Variants in RASEF observed in about 807,000 individuals in gnomAD.
RASEF encodes ras and EF-hand domain-containing protein.
Under a neutral mutation model 90.1 loss-of-function variants are expected in RASEF, and 68 were observed. That is an observed-to-expected ratio of 0.75 (90% CI 0.62 to 0.92). RASEF has a LOEUF of 0.92. Among genes scored for constraint, RASEF ranks in the 40% least tolerant of loss-of-function variants. The probability of loss-of-function intolerance (pLI) is 0.00; values close to 1 mark genes in which losing one functional copy is unlikely to be tolerated. For synonymous variants in RASEF, 331 were observed against 345.2 expected (o/e 0.96, Z 0.46); for missense variants, 949 against 937.2 (o/e 1.01, Z -0.16).
At chr9:83,007,404 T>C in intron 7 of RASEF, 33 bp downstream of exon 7, 1 of 1,510,764 alleles carries the variant, frequency 6.6e-7, no homozygotes, top group Non-Finnish European at 9.2e-7. Context: ...AAGTGAAATG[T>C]AAATGTAATG....
the RASEF span, among the ~76,000 whole-genome samples, chr9:83,114,787 C>T: frequency 1.3e-5 from 2 of 152,178 alleles, no homozygotes; most frequent in African/African-American, 4.8e-5. Flanking sequence ...CAAACCCTGC[C>T]TCCTAATAAG....
chr9:82,988,814 T>C (rs187836304), intron 16 of RASEF, among the ~76,000 whole-genome samples: 2 of 152,328 alleles, frequency 1.3e-5, no homozygotes, highest in African/African-American at 4.8e-5. Flanking sequence ...CATGAGCCAA[T>C]TGAACCTATT....
chr9:83,117,283 G>T, the RASEF span, among the ~76,000 whole-genome samples: 1 of 152,118 alleles, frequency 6.6e-6, no homozygotes, highest in African/African-American at 2.4e-5. Flanking sequence ...AGTTATAGAG[G>T]TACAATGGGG....
At chr9:83,066,276 C>G (rs1830281690), upstream of RASEF, among the ~76,000 whole-genome samples, 2 of 152,152 alleles carry the variant, frequency 1.3e-5, no homozygotes, top group South Asian at 4.1e-4. Context: ...AACCATTTCC[C>G]AGCTTAAGTA....
chr9:83,091,136 G>A, the RASEF span, among the ~76,000 whole-genome samples: 1 of 152,186 alleles, frequency 6.6e-6, no homozygotes, highest in Non-Finnish European at 1.5e-5. Context: ...CTTGCAAAGA[G>A]TCTCAAGATC....
the RASEF span, among the ~76,000 whole-genome samples, chr9:83,154,966 A>G: frequency 4.5e-4 from 69 of 152,258 alleles, no homozygotes; most frequent in Non-Finnish European, 7.1e-4. Flanking sequence ...AGGAGGTAGC[A>G]AAGTCTAGCC....
chr9:83,154,530 C>T, the RASEF span, among the ~76,000 whole-genome samples: 3 of 152,162 alleles, frequency 2.0e-5, no homozygotes. Flanking sequence ...CTAGTCTCCT[C>T]CCCTTCTCTG....
chr9:83,007,129 G>A (rs896912672), intron 7 of RASEF, among the ~76,000 whole-genome samples: 2 of 150,078 alleles, frequency 1.3e-5, no homozygotes, highest in African/African-American at 4.9e-5. Context: ...ACAGAACTCA[G>A]AGAAAGCTGA....
At chr9:83,176,682 TCTTAA>T in the RASEF span, among the ~76,000 whole-genome samples, 2,967 of 152,120 alleles carry the variant, frequency 0.02, 95 homozygotes, top group African/African-American at 0.067. Context: ...GCCATATAAA[TCTTAA>T]CTTATCAAAA....
At chr9:83,195,133 C>T in the RASEF span, among the ~76,000 whole-genome samples, 35 of 152,292 alleles carry the variant, frequency 2.3e-4, no homozygotes, top group African/African-American at 7.5e-4. Flanking sequence ...GAATTGAGAT[C>T]GTCATATGTC....
chr9:82,990,324 T>C (rs906446214), intron 16 of RASEF, 67 bp downstream of exon 16: 1 of 1,049,912 alleles, frequency 9.5e-7, no homozygotes, highest in Admixed American at 1.7e-5. Context: ...CTGCACATTA[T>C]GGACAAGAAA....
In RASEF at chr9:82,981,138, A is replaced by G. The variant is rs951791251; in HGVS notation, c.*1539T>C. 6 of 152,246 alleles carry G rather than the reference A, an allele frequency of 3.9e-5. No individual in the cohort carries two copies. The highest frequency in any genetic ancestry group is 1.4e-4 in the African/African-American group (6 of 41,476). The allele number at this position is 152,246 out of a possible 1,614,324, so 9.4% of individuals were successfully genotyped here. On this transcript the variant is annotated 3_prime_UTR_variant, in exon 17 of 17. Transcript: ENST00000376447. ...TAGCTTATACAATACAATAAATAAC[A>G]GCTACTTTTTAAGTTCCTTCAGCAA... is the stretch of plus-strand genomic sequence containing the variant.
intron 1 of RASEF, among the ~76,000 whole-genome samples, chr9:83,060,861 C>T (rs373589020): frequency 6.6e-6 from 1 of 152,132 alleles, no homozygotes; most frequent in Non-Finnish European, 1.5e-5. Flanking sequence ...ATGTAGTAAT[C>T]TCTGAAGAAT....
chr9:83,202,736 G>A, the RASEF span, among the ~76,000 whole-genome samples: 1 of 152,204 alleles, frequency 6.6e-6, no homozygotes, highest in East Asian at 1.9e-4. Flanking sequence ...CACCTCAGGT[G>A]ATCCTCCCAC....
the RASEF span, among the ~76,000 whole-genome samples, chr9:83,148,663 C>T: frequency 1.3e-5 from 2 of 152,168 alleles, no homozygotes; most frequent in African/African-American, 4.8e-5. Flanking sequence ...GTTACAACAG[C>T]CCTTGGAAAC....
At chr9:83,147,041 T>C in the RASEF span, among the ~76,000 whole-genome samples, 1 of 58,636 alleles carries the variant, frequency 1.7e-5, no homozygotes, top group Admixed American at 1.8e-4. Flanking sequence ...TATATATATG[T>C]ATATATATAT....
At chr9:83,124,698 G>C in the RASEF span, among the ~76,000 whole-genome samples, 39 of 152,238 alleles carry the variant, frequency 2.6e-4, no homozygotes, top group African/African-American at 8.9e-4. Context: ...CAGTTGTTAC[G>C]CAAAACTGGA....
the RASEF span, among the ~76,000 whole-genome samples, chr9:83,082,984 C>A: frequency 3.9e-5 from 6 of 152,146 alleles, no homozygotes; most frequent in Non-Finnish European, 8.8e-5. Flanking sequence ...AGCAAACATA[C>A]CTGTAGTAAA....
chr9:83,109,925 G>C, the RASEF span, among the ~76,000 whole-genome samples: 1 of 152,088 alleles, frequency 6.6e-6, no homozygotes, highest in Non-Finnish European at 1.5e-5. Context: ...CTTCTGAAGT[G>C]GAAGAAACAT....
Sources: gnomAD v4.1 joint callset for allele counts (sites outside exome capture counted in the v4.1 genomes callset) on GRCh38, gnomAD v4.1.1 for gene constraint, MANE v1.5 for transcripts, NCBI Gene and HGNC (gene_info 2026-07-23, HGNC 2026-07-21) for gene names.